PDE6A: variants seen among roughly 807,000 people sequenced by gnomAD.
The protein encoded by PDE6A is rod cGMP-specific 3',5'-cyclic phosphodiesterase subunit alpha.
Under a neutral mutation model 106.3 loss-of-function variants are expected in PDE6A, and 84 were observed. The observed-to-expected ratio is 0.79, with a 90% CI of 0.66 to 0.95. The LOEUF is 0.95. Among genes scored for constraint, PDE6A ranks in the 40% least tolerant of loss-of-function variants. The probability of loss-of-function intolerance (pLI) is 0.00; values close to 1 mark genes in which losing one functional copy is unlikely to be tolerated. For synonymous variants in PDE6A, 394 were observed against 386.6 expected (o/e 1.02, Z -0.23); for missense variants, 1,052 against 1,084.9 (o/e 0.97, Z 0.43).
intron 16 of PDE6A, among the ~76,000 whole-genome samples, chr5:149,883,771 C>G (rs1242460283): frequency 1.3e-5 from 2 of 152,202 alleles, no homozygotes; most frequent in Non-Finnish European, 2.9e-5. Context: ...CCCATCTGTA[C>G]AGCGGGGGTA....
Position 149,920,963 on chromosome 5 carries a change from A to AAAGAAAGAAAGG in PDE6A, c.933+671_933+672insCCTTTCTTTCTT, listed in dbSNP as rs1581201356. ...GAGAAAAAGAAAGAAAGAAAGAAAG[A>AAAGAAAGAAAGG]AAGAAAGAAAGAAAGAAAGAAAGAA... On this transcript the variant is annotated intron_variant, in intron 5 of 21. Transcript: ENST00000255266. 3.1e-5 allele frequency among the ~76,000 whole-genome samples: 4 copies of AAAGAAAGAAAGG among 127,252 alleles called. No homozygotes were observed. The East Asian group carries it at 8.5e-4, about 27-fold the overall frequency. The allele number at this position is 127,252 out of a possible 152,430, so 83.5% of individuals were successfully genotyped here.
Position 149,931,186 on chromosome 5 carries a change from C to T in PDE6A, c.718-18G>A, listed in dbSNP as rs113309832. 2,027 of 1,613,932 alleles carry T rather than the reference C, an allele frequency of 1.3e-3. 29 individuals are homozygous for T. The African/African-American group carries it at 0.023, about 19-fold the overall frequency. On this transcript the variant is annotated intron_variant, in intron 3 of 21. Coordinates refer to ENST00000255266, the MANE Select transcript of PDE6A (RefSeq NM_000440.3). The stretch of plus-strand genomic sequence containing the variant: ...AGCAGTATCTGAAAAAACACAAAAA[C>T]ATATTCATAGGTTTTGAGGTGCAAA...
rs974525382 is a variant in PDE6A at position 149,903,706 on chromosome 5, T to C, written c.1066-11A>G. On this transcript the variant is annotated splice_polypyrimidine_tract_variant and intron_variant, in intron 7 of 21. Transcript: ENST00000255266. Reference sequence around the variant, plus strand: ...CATGATGTTGCAAATCTGAGAGCAGTGAAGGGGAATAATGAAGGTGTGATT... The same window carrying C: ...CATGATGTTGCAAATCTGAGAGCAGCGAAGGGGAATAATGAAGGTGTGATT... The C allele has an allele frequency of 1.9e-6, 3 of 1,612,382 alleles. No individual in the cohort carries two copies. The highest frequency in any genetic ancestry group is 2.5e-6 in the Non-Finnish European group (3 of 1,178,440).
Position 149,915,936 on chromosome 5 carries a change from G to T in PDE6A, c.934-929C>A, listed in dbSNP as rs886232289. On this transcript the variant is annotated intron_variant, in intron 5 of 21. Coordinates refer to ENST00000255266, the MANE Select transcript of PDE6A (RefSeq NM_000440.3). ...CTTGCCAGCTCCCCAGACCCTTACTGGTGTCAATGAACTTTCTCAGAGAGC... is the reference window on the plus strand; with the variant it reads ...CTTGCCAGCTCCCCAGACCCTTACTTGTGTCAATGAACTTTCTCAGAGAGC... 2.6e-5 allele frequency among the ~76,000 whole-genome samples: 4 copies of T among 152,164 alleles called. No individual in the cohort carries two copies. The East Asian group carries it at 5.8e-4, about 22-fold the overall frequency.
chr5:149,914,276 G>A (rs576311722), intron 6 of PDE6A, among the ~76,000 whole-genome samples: 23 of 152,110 alleles, frequency 1.5e-4, no homozygotes, highest in African/African-American at 3.6e-4. Context: ...TCTCTCTACC[G>A]TCTCACACTG....
At position 149,944,477 on chromosome 5, in the gene PDE6A, C is replaced by T. The variant is rs753177050; in HGVS notation, c.197G>A (p.Arg66Gln). The change falls in exon 1 of 22, where the codon CGG becomes CAG. Residue 66 changes from arginine (R) to glutamine (Q), a missense_variant. Physicochemically the swap from Arg to Gln is conservative, Grantham distance 43. Transcript: ENST00000255266. ...EESEIIFDLL[R>Q]DFQENLQTEK... ...TGTCTGTAAATTCTCCTGAAAGTCC[C>T]GCAGGAGATCAAAGATGATTTCGCT... is the stretch of plus-strand genomic sequence containing the variant. The T allele has an allele frequency of 1.3e-5, 21 of 1,613,932 alleles. No homozygotes were observed. The highest frequency in any genetic ancestry group is 1.6e-4 in the Middle Eastern group (1 of 6,080).
At chr5:149,894,788 G>A (rs1310731438) in intron 13 of PDE6A, among the ~76,000 whole-genome samples, 1 of 151,758 alleles carries the variant, frequency 6.6e-6, no homozygotes, top group Non-Finnish European at 1.5e-5. Flanking sequence ...CCGCCACCAC[G>A]CCCAGCTAAT....
chr5:149,871,749 C>T (rs926123117), intron 17 of PDE6A, among the ~76,000 whole-genome samples: 3 of 152,094 alleles, frequency 2.0e-5, no homozygotes, highest in African/African-American at 4.8e-5. Context: ...AGAAGGGTGA[C>T]GTGGCCACAT....
At chr5:149,923,552 ACATAACATAACATAACATAACAT>A (rs1449408058) in intron 4 of PDE6A, among the ~76,000 whole-genome samples, 18 of 125,362 alleles carry the variant, frequency 1.4e-4, no homozygotes, top group African/African-American at 6.0e-4. Context: ...ACATAACATA[ACATAACATAACATAACATAACAT>A]AACAAACAAC....
At chr5:149,885,707 C>G (rs995734272) in intron 14 of PDE6A, among the ~76,000 whole-genome samples, 1 of 152,190 alleles carries the variant, frequency 6.6e-6, no homozygotes, top group Non-Finnish European at 1.5e-5. Context: ...GCTGCTATAA[C>G]AAACTGCCAC....
chr5:149,865,516 C>A (rs919477356), intron 20 of PDE6A, among the ~76,000 whole-genome samples: 2 of 152,134 alleles, frequency 1.3e-5, no homozygotes, highest in Non-Finnish European at 2.9e-5. Flanking sequence ...GGTCAGAGCA[C>A]CCCAGTTAGT....
At chr5:149,934,120 T>C in intron 2 of PDE6A, 101 bp from the exon 3 acceptor site, 1 of 749,802 alleles carries the variant, frequency 1.3e-6, no homozygotes, top group South Asian at 1.5e-5. Flanking sequence ...CAAAGCTTCA[T>C]CAGAGACAAT....
chr5:149,864,967 C>T (rs1049155460), intron 20 of PDE6A, among the ~76,000 whole-genome samples: 6 of 152,142 alleles, frequency 3.9e-5, no homozygotes, highest in African/African-American at 1.4e-4. Flanking sequence ...CAGCTGGGCA[C>T]CATGGCTCAC....
chr5:149,921,697 C>A lies in PDE6A; in HGVS notation c.871G>T (p.Val291Leu). The A allele has an allele frequency of 1.2e-6, 2 of 1,613,574 alleles. No individual in the cohort carries two copies. Among genetic ancestry groups the A allele is most frequent in the Non-Finnish European group, 8.5e-7 (1 of 1,179,630 alleles). ...ACTTCACCCATCAGAACCGGCCACA[C>A]ATCAAAAAATTCCTAGGAATGAGAA... Reference protein sequence around the residue: ...DMTKQKEFFDVWPVLMGEVPP... With the variant: ...DMTKQKEFFDLWPVLMGEVPP... Residue 291 changes from valine (V) to leucine (L), a missense_variant, in exon 5 of 22, where the codon GTG (valine) becomes TTG (leucine). Val to Leu is a conservative substitution (Grantham distance 32, BLOSUM62 1). Transcript: ENST00000255266.
intron 4 of PDE6A, among the ~76,000 whole-genome samples, chr5:149,923,548 CATAACATAACAT>C (rs1049226103): frequency 1.5e-5 from 2 of 134,862 alleles, no homozygotes; most frequent in African/African-American, 6.7e-5. Context: ...CATAACATAA[CATAACATAACAT>C]AACATAACAT....
At chr5:149,880,135 T>G (rs1276026909) in intron 17 of PDE6A, among the ~76,000 whole-genome samples, 5 of 152,220 alleles carry the variant, frequency 3.3e-5, no homozygotes, top group Non-Finnish European at 7.3e-5. Flanking sequence ...TTTTTTCTTT[T>G]TCTGGTTATT....
At chr5:149,871,964 G>A (rs577545595) in intron 17 of PDE6A, among the ~76,000 whole-genome samples, 1 of 152,322 alleles carries the variant, frequency 6.6e-6, no homozygotes, top group African/African-American at 2.4e-5. Context: ...AGAGAGAGGT[G>A]TCAGGATGGA....
chr5:149,903,620 C>G, intron 8 of PDE6A, 28 bp downstream of exon 8: 1 of 1,587,454 alleles, frequency 6.3e-7, no homozygotes, highest in Non-Finnish European at 8.7e-7. Context: ...AATCATATGA[C>G]TAAGACTGCA....
chr5:149,894,771 C>T (rs912904765), intron 13 of PDE6A, among the ~76,000 whole-genome samples: 1 of 151,506 alleles, frequency 6.6e-6, no homozygotes, highest in Non-Finnish European at 1.5e-5. Context: ...GCTGGGATTA[C>T]AGGTGCCCGC....
Sources: allele counts gnomAD v4.1 joint callset (sites outside exome capture counted in the v4.1 genomes callset), GRCh38; gene constraint gnomAD v4.1.1; transcripts MANE v1.5; gene names NCBI Gene and HGNC (gene_info 2026-07-23, HGNC 2026-07-21).